Variants in GTF2F2 observed in about 807,000 individuals in gnomAD.
GTF2F2 encodes ATP-dependent helicase GTF2F2.
In GTF2F2, 23 loss-of-function variants were observed where a neutral mutation model predicts 42.2. The observed-to-expected ratio is 0.55, with a 90% CI of 0.39 to 0.77. The LOEUF (loss-of-function observed/expected upper bound fraction) is 0.77, where lower values mean the gene tolerates loss of function less well. GTF2F2 is among the 30% of genes least tolerant of loss of function. GTF2F2 has a pLI of 0.00. For missense variants in GTF2F2, 261 were observed against 287.2 expected (o/e 0.91, Z 0.66); for synonymous variants, 105 against 100.8 (o/e 1.04, Z -0.25).
At chr13:45,137,006 C>T (rs777143669) in intron 2 of GTF2F2, among the ~76,000 whole-genome samples, 200 bp downstream of exon 2, 3 of 152,224 alleles carry the variant, frequency 2.0e-5, no homozygotes, top group African/African-American at 4.8e-5. Flanking sequence ...CACACCCACA[C>T]TCCTAGTGAC....
intron 5 of GTF2F2, among the ~76,000 whole-genome samples, chr13:45,209,495 A>G (rs942780097): frequency 1.3e-5 from 2 of 152,246 alleles, no homozygotes; most frequent in South Asian, 2.1e-4. Flanking sequence ...TGTGAGTTTC[A>G]TGAAGTAGAT....
intron 6 of GTF2F2, chr13:45,263,561 A>G (rs1243564180): frequency 6.6e-6 from 1 of 152,140 alleles, no homozygotes; most frequent in African/African-American, 2.4e-5. Context: ...TTTGTTTACT[A>G]CAGATTATGT....
intron 7 of GTF2F2, among the ~76,000 whole-genome samples, chr13:45,282,422 A>G (rs1410248868): frequency 2.0e-5 from 3 of 152,188 alleles, no homozygotes; most frequent in Non-Finnish European, 2.9e-5. Context: ...CTAAAACACC[A>G]TAATATGACT....
intron 5 of GTF2F2, among the ~76,000 whole-genome samples, chr13:45,251,740 A>G (rs1875887030): frequency 6.6e-6 from 1 of 152,116 alleles, no homozygotes; most frequent in Non-Finnish European, 1.5e-5. Context: ...GTGAGGATCT[A>G]TAAATAATAA....
chr13:45,154,644 A>C (rs983447440), intron 4 of GTF2F2, among the ~76,000 whole-genome samples: 3 of 152,182 alleles, frequency 2.0e-5, no homozygotes, highest in African/African-American at 7.2e-5. Flanking sequence ...CTGTGCCTTA[A>C]TTTCCTCATT....
chr13:45,212,431 T>C (rs902569242), intron 5 of GTF2F2, among the ~76,000 whole-genome samples: 14 of 138,838 alleles, frequency 1.0e-4, no homozygotes, highest in African/African-American at 3.8e-4. Flanking sequence ...TTGATTTCTT[T>C]CTTTCTTTCT....
At chr13:45,240,101 ATTTTTTTTTTTT>A (rs34744288) in intron 5 of GTF2F2, among the ~76,000 whole-genome samples, 2 of 91,104 alleles carry the variant, frequency 2.2e-5, no homozygotes, top group African/African-American at 1.1e-4. Context: ...ATGTAGAGGG[ATTTTTTTTTTTT>A]TTTTTTTTTT....
At chr13:45,227,572 G>C (rs1172235863) in intron 5 of GTF2F2, among the ~76,000 whole-genome samples, 1 of 152,122 alleles carries the variant, frequency 6.6e-6, no homozygotes, top group Non-Finnish European at 1.5e-5. Flanking sequence ...TTTTGCTTGA[G>C]TTAGGCTTTC....
chr13:45,143,532 A>C (rs1344935099), intron 2 of GTF2F2, among the ~76,000 whole-genome samples: 1 of 152,192 alleles, frequency 6.6e-6, no homozygotes, highest in Non-Finnish European at 1.5e-5. Flanking sequence ...AACCACGCAT[A>C]CTACACAGGC....
At chr13:45,201,389 CTAAT>C (rs1408529818) in intron 4 of GTF2F2, among the ~76,000 whole-genome samples, 11 of 152,194 alleles carry the variant, frequency 7.2e-5, no homozygotes, top group Admixed American at 2.0e-4. Context: ...CAAAATAACA[CTAAT>C]GAAATAATAA....
chr13:45,148,369 G>T (rs61947851), intron 2 of GTF2F2, among the ~76,000 whole-genome samples: 24,938 of 151,950 alleles, frequency 0.16, 2,395 homozygotes, highest in Non-Finnish European at 0.22. Context: ...CTATGGTTGA[G>T]CCCCTTTAGA....
At chr13:45,230,683 T>A (rs1874629872) in intron 5 of GTF2F2, among the ~76,000 whole-genome samples, 1 of 152,248 alleles carries the variant, frequency 6.6e-6, no homozygotes, top group African/African-American at 2.4e-5. Context: ...TACAGTGATA[T>A]GTTATACATA....
intron 7 of GTF2F2, among the ~76,000 whole-genome samples, chr13:45,273,383 G>T (rs1156416903): frequency 6.6e-6 from 1 of 151,908 alleles, no homozygotes; most frequent in Non-Finnish European, 1.5e-5. Flanking sequence ...GCCCTTGTTT[G>T]TTTTTTACCT....
chr13:45,262,840 G>A (rs1199065078), intron 6 of GTF2F2, among the ~76,000 whole-genome samples: 1 of 152,092 alleles, frequency 6.6e-6, no homozygotes, highest in Non-Finnish European at 1.5e-5. Flanking sequence ...AACTTCTTGG[G>A]CTCAAGTAAT....
intron 4 of GTF2F2, among the ~76,000 whole-genome samples, chr13:45,152,467 A>G (rs1304615549): frequency 6.6e-6 from 1 of 152,262 alleles, no homozygotes; most frequent in Non-Finnish European, 1.5e-5. Flanking sequence ...TGCCAAGATA[A>G]GGTCATCCTT....
At chr13:45,144,596 C>T (rs1308908013) in intron 2 of GTF2F2, among the ~76,000 whole-genome samples, 1 of 151,602 alleles carries the variant, frequency 6.6e-6, no homozygotes, top group Non-Finnish European at 1.5e-5. Flanking sequence ...CGCCCGCCAC[C>T]ACGACTGGCT....
At chr13:45,147,326 T>A (rs1272840612) in intron 2 of GTF2F2, among the ~76,000 whole-genome samples, 1 of 152,236 alleles carries the variant, frequency 6.6e-6, no homozygotes, top group Non-Finnish European at 1.5e-5. Context: ...CTCAGTAGAA[T>A]TCTGTAAACA....
In GTF2F2 at chr13:45,173,369, CTGTGTGTGTGTG is replaced by C. The variant is rs374858973; in HGVS notation, c.304+21554_304+21565del. On this transcript the variant is annotated intron_variant, in intron 4 of 7. Transcript: ENST00000340473. Reference sequence around the variant, plus strand: ...TTTCCCTAGTTTTACTTGTACTTAACTGTGTGTGTGTGTGTGTGTGTGTGTGTATTGTTTAGT... The same window carrying C: ...TTTCCCTAGTTTTACTTGTACTTAACTGTGTGTGTGTGTGTATTGTTTAGT... 7.5e-5 allele frequency among the ~76,000 whole-genome samples: 11 copies of C among 147,432 alleles called. No individual in the cohort carries two copies. The South Asian group carries it at 1.7e-3, about 23-fold the overall frequency.
At chr13:45,184,808 C>G (rs1872338856) in intron 4 of GTF2F2, among the ~76,000 whole-genome samples, 1 of 151,964 alleles carries the variant, frequency 6.6e-6, no homozygotes, top group Admixed American at 6.6e-5. Context: ...TATACAAGCA[C>G]AAGGTTGTTA....
Sources: allele counts gnomAD v4.1 joint callset (sites outside exome capture counted in the v4.1 genomes callset), GRCh38; gene constraint gnomAD v4.1.1; transcripts MANE v1.5; gene names NCBI Gene and HGNC (gene_info 2026-07-23, HGNC 2026-07-21).